RTN1: variants seen among roughly 807,000 people sequenced by gnomAD.
The protein encoded by RTN1 is reticulon 1.
A neutral mutation model predicts 65.5 loss-of-function variants in RTN1; 25 were observed. That is an observed-to-expected ratio of 0.38 (90% CI 0.28 to 0.53). The LOEUF (loss-of-function observed/expected upper bound fraction) is 0.53. Ranked by LOEUF, RTN1 falls within the 20% of genes least tolerant of loss-of-function variation. The pLI is 0.79. For missense variants in RTN1, 983 were observed against 1,025.4 expected (o/e 0.96, Z 0.57); for synonymous variants, 471 against 447.6 (o/e 1.05, Z -0.66).
chr14:59,610,172 G>A (rs765759863), intron 3 of RTN1: 4 of 765,534 alleles, frequency 5.2e-6, no homozygotes, highest in Non-Finnish European at 9.7e-6. Flanking sequence ...CTCCAACCAG[G>A]AGGCCACCTG....
chr14:59,630,154 C>A (rs1882503862), intron 3 of RTN1, among the ~76,000 whole-genome samples: 1 of 140,542 alleles, frequency 7.1e-6, no homozygotes, highest in African/African-American at 2.6e-5. Context: ...CTGAATGATG[C>A]ACAGATCCCA....
intron 3 of RTN1, among the ~76,000 whole-genome samples, chr14:59,701,193 A>C (rs1462082673): frequency 6.6e-6 from 1 of 152,220 alleles, no homozygotes; most frequent in Non-Finnish European, 1.5e-5. Context: ...GGATGTGGAG[A>C]AATTGGAATT....
intron 3 of RTN1, among the ~76,000 whole-genome samples, chr14:59,637,681 C>A (rs1882693671): frequency 7.0e-6 from 1 of 143,824 alleles, no homozygotes; most frequent in Non-Finnish European, 1.5e-5. Context: ...CACTGCACTC[C>A]AGCCTGGCAA....
chr14:59,743,323 C>T (rs1031653318), intron 2 of RTN1, among the ~76,000 whole-genome samples: 4 of 152,160 alleles, frequency 2.6e-5, no homozygotes, highest in Non-Finnish European at 5.9e-5. Flanking sequence ...AAGCATGTGC[C>T]GTGTAAGTAG....
rs1275025824 is a variant in RTN1 at position 59,846,461 on chromosome 14, G to A, written c.241+23929C>T. ...GTACCACACACATCCACACTCATCT[G>A]TCACTTTGTTCCTGAGGTCTCAGTA... On this transcript the variant is annotated intron_variant, in intron 1 of 8. Transcript: ENST00000267484. The surrounding 1 kb of genome is among the most constrained non-coding windows in gnomAD (Gnocchi z 4.8). 6.6e-6 allele frequency among the ~76,000 whole-genome samples: 1 copy of A among 151,996 alleles called. No individual in the cohort carries two copies. The highest frequency in any genetic ancestry group is 1.9e-4 in the East Asian group (1 of 5,168).
Position 59,757,406 on chromosome 14 carries a change from G to T in RTN1, c.242-10925C>A, listed in dbSNP as rs180739430. On this transcript the variant is annotated intron_variant, in intron 1 of 8. Transcript: ENST00000267484. ...GGTTTTATAATGGGAAACCCCTTTT[G>T]CTTGGTTCTCATTCTCTCTTTGCTG... Among the ~76,000 whole-genome samples the T allele has an allele frequency of 2.0e-5, 3 of 152,238 alleles. No homozygotes were observed. In the East Asian group the frequency reaches 5.8e-4, roughly 29 times the overall value.
Position 59,870,266 on chromosome 14 carries a change from G to T in RTN1, c.241+124C>A. On this transcript the variant is annotated intron_variant, in intron 1 of 8. Transcript: ENST00000267484. The surrounding 1 kb of genome is among the most constrained non-coding windows in gnomAD (Gnocchi z 5.1). ...ATTCCCAGTCGCCCGTGGCGACGCGGGGGTGGGGTCGGCGCTCAAGGCAGA... is the reference window on the plus strand; with the variant it reads ...ATTCCCAGTCGCCCGTGGCGACGCGTGGGTGGGGTCGGCGCTCAAGGCAGA... 1.0e-6 allele frequency: 1 copy of T among 962,212 alleles called. No homozygotes were observed. The highest frequency in any genetic ancestry group is 1.4e-6 in the Non-Finnish European group (1 of 726,348). 59.6% of individuals were successfully genotyped at this position (962,212 alleles called of 1,614,324 possible).
At chr14:59,815,618 CAGA>C (rs757310054) in intron 1 of RTN1, among the ~76,000 whole-genome samples, 19 of 152,204 alleles carry the variant, frequency 1.2e-4, no homozygotes, top group Non-Finnish European at 1.8e-4. Context: ...GGCACTTCTG[CAGA>C]AGGTCTCCAT....
intron 1 of RTN1, among the ~76,000 whole-genome samples, chr14:59,833,604 A>C (rs1451483224): frequency 6.6e-6 from 1 of 152,076 alleles, no homozygotes; most frequent in Non-Finnish European, 1.5e-5. Context: ...GTGTCCTGGG[A>C]GTTTGGTGTA....
chr14:59,685,471 T>C (rs996795972), intron 3 of RTN1, among the ~76,000 whole-genome samples: 1 of 152,176 alleles, frequency 6.6e-6, no homozygotes, highest in African/African-American at 2.4e-5. Flanking sequence ...TTTAGTAAAG[T>C]TGCAGGAAAC....
At position 59,630,247 on chromosome 14, in the gene RTN1, T is replaced by TA. The variant is rs537362600; in HGVS notation, c.1766-22756dup. Among the ~76,000 whole-genome samples the TA allele has an allele frequency of 8.2e-4, 113 of 137,938 alleles. 1 individual carries two copies. The highest frequency in any genetic ancestry group is 2.0e-3 in the Admixed American group (28 of 13,688). 90.5% of individuals were successfully genotyped at this position (137,938 alleles called of 152,430 possible). The stretch of plus-strand genomic sequence containing the variant: ...GAAAACAAAGGGGTGGGGGTGGGGT[T>TA]AAAAAAAAAAAGAAAAAAACAACAA... On this transcript the variant is annotated intron_variant, in intron 3 of 8. Transcript: ENST00000267484.
At chr14:59,763,272 G>A (rs551622275) in intron 1 of RTN1, among the ~76,000 whole-genome samples, 1 of 152,312 alleles carries the variant, frequency 6.6e-6, no homozygotes, top group South Asian at 2.1e-4. Context: ...ATCAACAGCA[G>A]TATTCATTTT....
At chr14:59,609,045 G>T (rs1272936237) in intron 3 of RTN1, among the ~76,000 whole-genome samples, 3 of 152,158 alleles carry the variant, frequency 2.0e-5, no homozygotes, top group African/African-American at 7.2e-5. Flanking sequence ...AGCACTTTGG[G>T]AGGCCGAGGC....
chr14:59,710,211 T>G (rs1884388083), intron 3 of RTN1, among the ~76,000 whole-genome samples: 1 of 150,702 alleles, frequency 6.6e-6, no homozygotes. Flanking sequence ...CCTGGCCAAT[T>G]TTTGTATCTT....
intron 2 of RTN1, among the ~76,000 whole-genome samples, chr14:59,735,812 A>C (rs1884991091): frequency 6.6e-6 from 1 of 152,050 alleles, no homozygotes; most frequent in African/African-American, 2.4e-5. Flanking sequence ...CTCCACTGAC[A>C]ATATTAGACA....
chr14:59,657,890 A>G (rs961726603), intron 3 of RTN1, among the ~76,000 whole-genome samples: 1 of 152,122 alleles, frequency 6.6e-6, no homozygotes, highest in Non-Finnish European at 1.5e-5. Context: ...AACCAGCCAG[A>G]CAGAACCATT....
chr14:59,853,748 T>G (rs1887551127), intron 1 of RTN1, among the ~76,000 whole-genome samples: 1 of 152,158 alleles, frequency 6.6e-6, no homozygotes, highest in Non-Finnish European at 1.5e-5. Context: ...AAAAAATCCC[T>G]GTTTTTTCTC....
intron 1 of RTN1, among the ~76,000 whole-genome samples, chr14:59,810,876 T>G (rs1465191978): frequency 6.6e-6 from 1 of 152,138 alleles, no homozygotes. Flanking sequence ...ACCCCAAACA[T>G]AGTTGGAGCA....
At chr14:59,749,090 C>CTATATATATATCTATATATA (rs1885293135) in intron 1 of RTN1, among the ~76,000 whole-genome samples, 1 of 118,618 alleles carries the variant, frequency 8.4e-6, no homozygotes, top group Non-Finnish European at 1.6e-5. Flanking sequence ...GCCGGGGCAT[C>CTATATATATATCTATATATA]TATATATATA....
Sources: gnomAD v4.1 joint callset for allele counts (sites outside exome capture counted in the v4.1 genomes callset) on GRCh38, gnomAD v4.1.1 for gene constraint, Gnocchi (gnomAD v3.1) non-coding constraint, MANE v1.5 for transcripts, NCBI Gene and HGNC (gene_info 2026-07-23, HGNC 2026-07-21) for gene names.